EIF4E2: variants seen among roughly 807,000 people sequenced by gnomAD.
EIF4E2 encodes the protein eukaryotic translation initiation factor 4E family member 2.
EIF4E2 carries 13 observed loss-of-function variants against 34.2 expected under a neutral mutation model. The observed-to-expected ratio is 0.38, with a 90% confidence interval of 0.25 to 0.60. The LOEUF (loss-of-function observed/expected upper bound fraction) is 0.60. Ranked by LOEUF, EIF4E2 falls within the 20% of genes least tolerant of loss-of-function variation. EIF4E2 has a pLI of 0.62. For synonymous variants in EIF4E2, 100 were observed against 106.6 expected (o/e 0.94, Z 0.38); for missense variants, 222 against 315.1 (o/e 0.70, Z 2.24).
At chr2:232,553,063 T>C (rs1692401360) in intron 1 of EIF4E2, among the ~76,000 whole-genome samples, 1 of 152,204 alleles carries the variant, frequency 6.6e-6, no homozygotes, top group Non-Finnish European at 1.5e-5. Context: ...GTATATAATC[T>C]AATGGGCTCA....
Position 232,564,294 on chromosome 2 carries a change from C to A in EIF4E2, c.318C>A (p.Asp106Glu). Residue 106 changes from aspartate (D) to glutamate (E), a missense_variant, in exon 4 of 7, where the codon GAC becomes GAA. Physicochemically the swap from Asp to Glu is conservative, Grantham distance 45. Coordinates refer to ENST00000258416, the MANE Select transcript of EIF4E2 (RefSeq NM_004846.4). Reference sequence around the variant, plus strand: ...ATAGCCACATGGTACGTCCTGGGGACCTGACAGGCCACAGTGACTTCCATC... The same window carrying A: ...ATAGCCACATGGTACGTCCTGGGGAACTGACAGGCCACAGTGACTTCCATC... Reference protein sequence around the residue: ...RFYSHMVRPGDLTGHSDFHLF... With the variant: ...RFYSHMVRPGELTGHSDFHLF... 4 of 1,598,548 alleles carry A rather than the reference C, an allele frequency of 2.5e-6. No homozygotes were observed. The highest frequency in any genetic ancestry group is 2.6e-6 in the Non-Finnish European group (3 of 1,171,388).
At chr2:232,567,608 G>A in intron 6 of EIF4E2, 3 of 1,131,316 alleles carry the variant, frequency 2.7e-6, no homozygotes, top group African/African-American at 3.2e-5. Flanking sequence ...TTTTTAACTT[G>A]TTAGCTTCAG....
At chr2:232,559,317 A>T (rs1692633639) in intron 3 of EIF4E2, among the ~76,000 whole-genome samples, 2 of 151,634 alleles carry the variant, frequency 1.3e-5, no homozygotes, top group Non-Finnish European at 2.9e-5. Flanking sequence ...AGTACTCCTG[A>T]TGTCTTAAAC....
chr2:232,551,715 C>CAATGTTATAACTATTGCAAT (rs1446423806), intron 1 of EIF4E2, among the ~76,000 whole-genome samples: 7 of 152,082 alleles, frequency 4.6e-5, no homozygotes, highest in Admixed American at 4.6e-4. Context: ...CTAACTATTG[C>CAATGTTATAACTATTGCAAT]GATATAAACG....
In EIF4E2 at chr2:232,552,223, A is replaced by T. The variant is rs780720000; in HGVS notation, c.20+1479A>T. The stretch of plus-strand genomic sequence containing the variant: ...CTAGGTATTTTTCATATATATATAT[A>T]TTTTTTGAGACAGGGTCTCGCTGTG... On this transcript the variant is annotated intron_variant, in intron 1 of 6. Transcript: ENST00000258416. 1.6e-4 allele frequency among the ~76,000 whole-genome samples: 25 copies of T among 152,038 alleles called. 1 individual carries two copies. Among genetic ancestry groups the T allele is most frequent in the Middle Eastern group, 3.4e-3 (1 of 294 alleles).
chr2:232,557,729 C>A, intron 2 of EIF4E2, 155 bp from the exon 3 acceptor site: 1 of 820,088 alleles, frequency 1.2e-6, no homozygotes, highest in African/African-American at 1.7e-5. Context: ...AGGAAATGTA[C>A]TGTGTAAGCA....
chr2:232,557,207 T>C (rs1692553008), intron 2 of EIF4E2, among the ~76,000 whole-genome samples: 1 of 152,200 alleles, frequency 6.6e-6, no homozygotes, highest in Admixed American at 6.5e-5. Context: ...GTCGCGCCAC[T>C]GCACTCCAGC....
intron 6 of EIF4E2, 48 bp downstream of exon 6, chr2:232,567,262 A>T (rs755118246): frequency 6.2e-7 from 1 of 1,610,602 alleles, no homozygotes; most frequent in Non-Finnish European, 8.5e-7. Flanking sequence ...GCTTAGTATA[A>T]GTAGATCTGT....
In EIF4E2 at chr2:232,567,033, G is replaced by A. The variant is rs201447015; in HGVS notation, c.529-45G>A. 120 of 1,600,262 alleles carry A rather than the reference G, an allele frequency of 7.5e-5. No homozygotes were observed. In the East Asian group the frequency reaches 2.2e-3, roughly 29 times the overall value. ...TTCTTGTGTTGCCTTTGCTCTCCTC[G>A]CTGCCCCTGATTTGCTTTGATGATT... On this transcript the variant is annotated intron_variant, in intron 5 of 6. Transcript: ENST00000258416.
At position 232,567,073 on chromosome 2, in the gene EIF4E2, G is replaced by T; in HGVS notation, c.529-5G>T. The T allele has an allele frequency of 1.2e-6, 2 of 1,612,840 alleles. No homozygotes were observed. Among genetic ancestry groups the T allele is most frequent in the African/African-American group, 2.7e-5 (2 of 74,982 alleles). On this transcript the variant is annotated splice_polypyrimidine_tract_variant and splice_region_variant and intron_variant, in intron 5 of 6. Transcript: ENST00000258416. ...CTTTGATGATTCCTTCTGTTCCTCTGGTAGGAAGACATTATTTCAATATGG... is the reference window on the plus strand; with the variant it reads ...CTTTGATGATTCCTTCTGTTCCTCTTGTAGGAAGACATTATTTCAATATGG...
At chr2:232,577,045 C>T (rs1029977345) in intron 6 of EIF4E2, among the ~76,000 whole-genome samples, 3 of 152,204 alleles carry the variant, frequency 2.0e-5, no homozygotes, top group African/African-American at 4.8e-5. Context: ...GTAAAACTCT[C>T]AGTGAGCTGA....
downstream of EIF4E2, chr2:232,574,085 C>T (rs1321805547): frequency 4.1e-6 from 3 of 733,730 alleles, no homozygotes; most frequent in Admixed American, 4.0e-5. Flanking sequence ...GGGTAGGCTG[C>T]TCTGCTCCTC....
chr2:232,563,697 A>G (rs1304658003), intron 3 of EIF4E2, among the ~76,000 whole-genome samples: 1 of 152,168 alleles, frequency 6.6e-6, no homozygotes, highest in African/African-American at 2.4e-5. Context: ...AAACAGGTCT[A>G]AGAGGTATTT....
At chr2:232,563,863 A>C (rs1692816147) in intron 3 of EIF4E2, among the ~76,000 whole-genome samples, 1 of 152,236 alleles carries the variant, frequency 6.6e-6, no homozygotes. Flanking sequence ...TGACACTTAC[A>C]TACCTCAAGG....
chr2:232,580,186 T>G (rs1693316134), intron 6 of EIF4E2, among the ~76,000 whole-genome samples: 1 of 152,062 alleles, frequency 6.6e-6, no homozygotes, highest in Non-Finnish European at 1.5e-5. Flanking sequence ...ACCCAGATTT[T>G]ACTTCCTGGA....
chr2:232,566,993 A>C lies in EIF4E2; in HGVS notation c.528+12A>C, dbSNP rs750642525. ...CTGTCCGCTTTCAGGTAAGCCACCCATGAGCCAGGCTGGTTTCTTGTGTTG... is the reference window on the plus strand; with the variant it reads ...CTGTCCGCTTTCAGGTAAGCCACCCCTGAGCCAGGCTGGTTTCTTGTGTTG... On this transcript the variant is annotated intron_variant, in intron 5 of 6. Coordinates refer to ENST00000258416, the MANE Select transcript of EIF4E2 (RefSeq NM_004846.4). This position sits in a 1 kb window ranked among gnomAD's most constrained non-coding sequence, Gnocchi z 4.9. The C allele has an allele frequency of 6.3e-7, 1 of 1,590,060 alleles. No individual in the cohort carries two copies. The highest frequency in any genetic ancestry group is 8.6e-7 in the Non-Finnish European group (1 of 1,167,482).
intron 1 of EIF4E2, 96 bp from the exon 2 acceptor site, chr2:232,556,320 G>A: frequency 2.2e-6 from 2 of 929,668 alleles, no homozygotes; most frequent in South Asian, 2.9e-5. Flanking sequence ...GTGACTTTGG[G>A]TTGGTTACAT....
chr2:232,552,054 C>A (rs546442277), intron 1 of EIF4E2, among the ~76,000 whole-genome samples: 1 of 152,272 alleles, frequency 6.6e-6, no homozygotes, highest in East Asian at 1.9e-4. Flanking sequence ...CTTTCTGGAA[C>A]CCTTATACCC....
At chr2:232,563,724 A>G (rs973833054) in intron 3 of EIF4E2, among the ~76,000 whole-genome samples, 1 of 152,198 alleles carries the variant, frequency 6.6e-6, no homozygotes, top group African/African-American at 2.4e-5. Flanking sequence ...GGTTGATTCT[A>G]TCACTTATGC....
Sources: gnomAD v4.1 joint callset for allele counts (sites outside exome capture counted in the v4.1 genomes callset) on GRCh38, gnomAD v4.1.1 for gene constraint, Gnocchi (gnomAD v3.1) non-coding constraint, MANE v1.5 for transcripts, NCBI Gene and HGNC (gene_info 2026-07-23, HGNC 2026-07-21) for gene names.